SOX6: variants seen among roughly 807,000 people sequenced by gnomAD.
SOX6 encodes SRY-box transcription factor 6.
SOX6 carries 11 observed loss-of-function variants against 97.8 expected under a neutral mutation model. The ratio of observed to expected loss-of-function variants is 0.11; its 90% CI spans 0.07 to 0.19. SOX6 has a LOEUF of 0.19. Ranked by LOEUF, SOX6 falls within the 10% of genes least tolerant of loss-of-function variation. SOX6 has a pLI of 1.00. For missense variants in SOX6, 810 were observed against 1,039.5 expected, an observed-to-expected ratio of 0.78 and a Z score of 3.04; for synonymous variants, 360 against 371.4, an observed-to-expected ratio of 0.97 and a Z score of 0.35.
chr11:16,195,678 C>T (rs547142299), intron 4 of SOX6, among the ~76,000 whole-genome samples: 15 of 152,264 alleles, frequency 9.9e-5, no homozygotes, highest in Middle Eastern at 6.8e-3. Context: ...ATGCTTATTC[C>T]CCAACCCTTC....
chr11:16,188,898 A>AC (rs1326564571), intron 4 of SOX6, among the ~76,000 whole-genome samples: 1 of 151,986 alleles, frequency 6.6e-6, no homozygotes, highest in African/African-American at 2.4e-5. Flanking sequence ...CCCCTTCTCT[A>AC]CTAAAAATAC....
intron 4 of SOX6, among the ~76,000 whole-genome samples, chr11:16,564,100 A>T (rs974887707): frequency 6.6e-6 from 1 of 152,208 alleles, no homozygotes; most frequent in African/African-American, 2.4e-5. Context: ...TCTAAAAAAA[A>T]TGACTAAAGG....
chr11:16,468,863 T>C (rs1404535860), intron 1 of SOX6, among the ~76,000 whole-genome samples: 1 of 152,194 alleles, frequency 6.6e-6, no homozygotes, highest in Non-Finnish European at 1.5e-5. Flanking sequence ...CTGTGTATTT[T>C]TATGCCTGCA....
chr11:16,603,965 G>A (rs1016170529), intron 4 of SOX6, among the ~76,000 whole-genome samples: 1 of 152,238 alleles, frequency 6.6e-6, no homozygotes, highest in African/African-American at 2.4e-5. Context: ...GGCCAAGCCC[G>A]TGCCTGCGGG....
chr11:16,676,091 T>TTTTA (rs879585419), intron 3 of SOX6, among the ~76,000 whole-genome samples: 4,430 of 152,230 alleles, frequency 0.029, 157 homozygotes, highest in South Asian at 0.056. Context: ...CTCTGCTCAT[T>TTTTA]TTCATTCATT....
chr11:16,228,639 G>T (rs1427330326), intron 4 of SOX6, among the ~76,000 whole-genome samples: 3 of 152,116 alleles, frequency 2.0e-5, no homozygotes, highest in Non-Finnish European at 4.4e-5. Flanking sequence ...CTGTAAATCT[G>T]CTAGGAGAGT....
intron 3 of SOX6, among the ~76,000 whole-genome samples, chr11:16,301,687 TGATA>T (rs1324405223): frequency 2.6e-4 from 39 of 152,136 alleles, no homozygotes; most frequent in Non-Finnish European, 1.5e-4. Flanking sequence ...ATGAATAGAA[TGATA>T]GATTATGGAG....
At chr11:16,503,937 G>C (rs1034677486) in intron 4 of SOX6, among the ~76,000 whole-genome samples, 1 of 151,984 alleles carries the variant, frequency 6.6e-6, no homozygotes. Context: ...CAGCTACTCG[G>C]GAGGTTGAGG....
chr11:16,344,836 A>G (rs916073421), intron 1 of SOX6, among the ~76,000 whole-genome samples: 5 of 152,070 alleles, frequency 3.3e-5, no homozygotes, highest in African/African-American at 7.2e-5. Context: ...TTAAAAAAAA[A>G]TCTCCCTAGT....
rs190962941 is a variant in SOX6 at position 16,491,767 on chromosome 11, T to A, written n.610-15379A>T. 8.2e-3 allele frequency among the ~76,000 whole-genome samples: 1,245 copies of A among 152,264 alleles called. 17 individuals carry two copies. Among genetic ancestry groups the A allele is most frequent in the African/African-American group, 0.029 (1,189 of 41,542 alleles). On this transcript the variant is annotated intron_variant and non_coding_transcript_variant, in intron 4 of 5. Coordinates refer to the SOX6 transcript ENST00000524520. ...GGAATAAAAACTAAGCAGGTATATG[T>A]TTTAGACATCTATATGAAAAAACAA...
At chr11:16,086,643 T>C (rs1848584077) in intron 9 of SOX6, among the ~76,000 whole-genome samples, 2 of 152,086 alleles carry the variant, frequency 1.3e-5, no homozygotes, top group African/African-American at 4.8e-5. Flanking sequence ...AGGAGACTCA[T>C]CAAAACTTTG....
intron 4 of SOX6, among the ~76,000 whole-genome samples, chr11:16,562,580 T>A (rs1003636726): frequency 6.6e-6 from 1 of 151,816 alleles, no homozygotes; most frequent in Non-Finnish European, 1.5e-5. Flanking sequence ...AGAATTCCAC[T>A]CTCTCACGGC....
At chr11:16,169,558 T>C (rs897263390) in intron 6 of SOX6, among the ~76,000 whole-genome samples, 34 of 100,402 alleles carry the variant, frequency 3.4e-4, no homozygotes, top group Non-Finnish European at 5.3e-4. Context: ...ACCTCTTACA[T>C]ATACCCCTTT....
At chr11:16,674,873 C>T (rs746337081) in intron 3 of SOX6, among the ~76,000 whole-genome samples, 2 of 152,134 alleles carry the variant, frequency 1.3e-5, no homozygotes, top group Admixed American at 1.3e-4. Context: ...ACTGCTTGAA[C>T]CTAGGAGGCA....
intron 1 of SOX6, among the ~76,000 whole-genome samples, chr11:16,393,520 A>G (rs972592607): frequency 1.3e-5 from 2 of 152,084 alleles, no homozygotes; most frequent in African/African-American, 4.8e-5. Flanking sequence ...TCTTCAGCTC[A>G]TGTGACTTGG....
intron 4 of SOX6, among the ~76,000 whole-genome samples, chr11:16,598,385 A>T (rs1339671293): frequency 6.6e-6 from 1 of 152,176 alleles, no homozygotes; most frequent in East Asian, 1.9e-4. Context: ...AATGCAATGA[A>T]CTACTCTCTC....
At chr11:16,653,667 C>G (rs769683940) in intron 3 of SOX6, among the ~76,000 whole-genome samples, 2 of 152,214 alleles carry the variant, frequency 1.3e-5, no homozygotes, top group Middle Eastern at 3.4e-3. Flanking sequence ...ACATTAGGTA[C>G]AGTGTACACT....
chr11:15,986,109 TC>T, intron 15 of SOX6, 94 bp downstream of exon 15: 1 of 1,161,944 alleles, frequency 8.6e-7, no homozygotes, highest in East Asian at 2.3e-5. Context: ...ACCTCCTCTT[TC>T]CCTAATCTCC....
intron 2 of SOX6, among the ~76,000 whole-genome samples, chr11:16,326,573 C>G (rs1339295336): frequency 6.6e-6 from 1 of 152,118 alleles, no homozygotes; most frequent in East Asian, 1.9e-4. Context: ...TGACTACCTT[C>G]TAAGTCTTTT....
Sources: allele counts gnomAD v4.1 joint callset (sites outside exome capture counted in the v4.1 genomes callset), GRCh38; gene constraint gnomAD v4.1.1; transcripts MANE v1.5; gene names NCBI Gene and HGNC (gene_info 2026-07-23, HGNC 2026-07-21).